The following RSPH1 variants were observed in gnomAD, a reference collection of about 807,000 sequenced individuals.
RSPH1 encodes radial spoke head 1 homolog.
RSPH1 carries 32 observed loss-of-function variants against 44.2 expected under a neutral mutation model. The ratio of observed to expected loss-of-function variants is 0.72; its 90% CI spans 0.55 to 0.97. The LOEUF (loss-of-function observed/expected upper bound fraction) is 0.97, where lower values mean the gene tolerates loss of function less well. RSPH1 is among the 50% of genes least tolerant of loss of function. The probability of loss-of-function intolerance (pLI) is 0.00; values close to 1 mark genes in which losing one functional copy is unlikely to be tolerated. For synonymous variants in RSPH1, 134 were observed against 147.3 expected (o/e 0.91, Z 0.65); for missense variants, 391 against 398.7 (o/e 0.98, Z 0.16).
chr21:42,482,598 CT>C, intron 6 of RSPH1, 38 bp downstream of exon 6: 1 of 1,468,474 alleles, frequency 6.8e-7, no homozygotes, highest in South Asian at 1.2e-5. Flanking sequence ...AGCTACTTCC[CT>C]GTTAATGTAA....
chr21:42,485,281 C>T (rs1601631770), intron 5 of RSPH1: 1 of 179,880 alleles, frequency 5.6e-6, no homozygotes, highest in Admixed American at 5.6e-5. Flanking sequence ...GTCGCACCTC[C>T]CCTTCCAGGG....
At chr21:42,481,943 A>G (rs1601629423) in intron 6 of RSPH1, among the ~76,000 whole-genome samples, 2 of 152,268 alleles carry the variant, frequency 1.3e-5, no homozygotes, top group East Asian at 3.8e-4. Context: ...CGGCACGTTC[A>G]GAGGAGCATG....
intron 3 of RSPH1, among the ~76,000 whole-genome samples, chr21:42,487,938 G>A (rs2054196237): frequency 6.6e-6 from 1 of 152,204 alleles, no homozygotes; most frequent in East Asian, 1.9e-4. Context: ...AAAGGACAGT[G>A]CATGTCCCCA....
intron 1 of RSPH1, among the ~76,000 whole-genome samples, chr21:42,494,596 G>A (rs1474237076): frequency 1.3e-5 from 2 of 152,094 alleles, no homozygotes; most frequent in Non-Finnish European, 2.9e-5. Context: ...AAAATTATAG[G>A]CACTAAAAAG....
rs749185116 is a variant in RSPH1 at position 42,485,658 on chromosome 21, C to T, written c.501+11G>A. On this transcript the variant is annotated intron_variant, in intron 5 of 8. Coordinates refer to ENST00000291536, the MANE Select transcript of RSPH1 (RefSeq NM_080860.4). ...TACTTCATTGGCAAATGTCACTTCC[C>T]ATGGACTTACATTTTTGTTCAAGAA... is the stretch of plus-strand genomic sequence containing the variant. 34 of 1,613,964 alleles carry T rather than the reference C, an allele frequency of 2.1e-5. 1 individual carries two copies. The highest frequency in any genetic ancestry group is 2.9e-5 in the Non-Finnish European group (34 of 1,180,006).
chr21:42,493,104 T>TA lies in RSPH1; in HGVS notation c.55-26dup, dbSNP rs775999577. ...CCTGGGTAATGAAAATTGACACAAT[T>TA]ACAGCTACCATTCATTAAGCGCTAA... is the stretch of plus-strand genomic sequence containing the variant. On this transcript the variant is annotated intron_variant, in intron 1 of 8. Coordinates refer to ENST00000291536, the MANE Select transcript of RSPH1 (RefSeq NM_080860.4). The TA allele has an allele frequency of 1.3e-5, 21 of 1,581,202 alleles. 1 individual carries two copies. In the Admixed American group the frequency reaches 1.7e-4, roughly 13 times the overall value.
At chr21:42,485,495 C>T in intron 5 of RSPH1, 174 bp downstream of exon 5, 2 of 684,166 alleles carry the variant, frequency 2.9e-6, no homozygotes, top group East Asian at 5.5e-5. Context: ...CAATTCTGTG[C>T]TCTGTGGGTA....
intron 1 of RSPH1, 78 bp from the exon 2 acceptor site, chr21:42,493,157 A>G (rs1018894348): frequency 4.2e-6 from 5 of 1,204,066 alleles, no homozygotes; most frequent in African/African-American, 1.5e-5. Flanking sequence ...TGTAAATATC[A>G]TACCCTTGAG....
chr21:42,481,727 T>C (rs952375410), intron 6 of RSPH1, among the ~76,000 whole-genome samples: 12 of 152,168 alleles, frequency 7.9e-5, no homozygotes, highest in Admixed American at 1.3e-4. Context: ...GTTGCTGAAT[T>C]GCTAATTATC....
At chr21:42,492,352 G>C (rs1254754550) in intron 3 of RSPH1, among the ~76,000 whole-genome samples, 1 of 152,228 alleles carries the variant, frequency 6.6e-6, no homozygotes, top group Non-Finnish European at 1.5e-5. Flanking sequence ...GGAAACACTC[G>C]ATCTGAAGAA....
chr21:42,494,843 G>A (rs909619194), intron 1 of RSPH1, among the ~76,000 whole-genome samples: 4 of 152,004 alleles, frequency 2.6e-5, no homozygotes, highest in African/African-American at 9.7e-5. Context: ...GGGATTACAG[G>A]TGCCCGCCAC....
intron 1 of RSPH1, 35 bp from the exon 2 acceptor site, chr21:42,493,114 A>G (rs375542760): frequency 1.3e-6 from 2 of 1,558,278 alleles, no homozygotes; most frequent in Non-Finnish European, 1.8e-6. Flanking sequence ...TACAGCTACC[A>G]TTCATTAAGC....
intron 4 of RSPH1, chr21:42,486,150 G>A (rs1051353235): frequency 1.4e-5 from 8 of 579,736 alleles, no homozygotes; most frequent in Admixed American, 6.0e-5. Context: ...AAAGACTCAC[G>A]TGCTCTGCCC....
chr21:42,486,407 T>C lies in RSPH1; in HGVS notation c.329A>G (p.Asn110Ser), dbSNP rs751684001. ...AAACCACTCTCCAGTGTAGGTGTCA[T>C]TATTGATGTAGTAGTATACGCCATG... is the stretch of plus-strand genomic sequence containing the variant. ...HGHGVYYYINNDTYTGEWFAH... is the reference protein window; with the variant it reads ...HGHGVYYYINSDTYTGEWFAH... Residue 110 changes from asparagine to serine, a missense_variant, in exon 4 of 9, where the codon AAT (asparagine) becomes AGT (serine). Asn to Ser is a conservative substitution (Grantham distance 46). Transcript: ENST00000291536. The C allele has an allele frequency of 1.2e-6, 2 of 1,613,846 alleles. No individual in the cohort carries two copies. Among genetic ancestry groups the C allele is most frequent in the African/African-American group, 2.7e-5 (2 of 74,906 alleles).
At chr21:42,484,842 C>A (rs891413909) in intron 5 of RSPH1, 1 of 152,092 alleles carries the variant, frequency 6.6e-6, no homozygotes, top group African/African-American at 2.4e-5. Context: ...GGGGAATGTG[C>A]TGTTTTGATG....
intron 3 of RSPH1, among the ~76,000 whole-genome samples, chr21:42,490,733 T>C (rs1212472731): frequency 6.6e-6 from 1 of 152,166 alleles, no homozygotes; most frequent in Admixed American, 6.5e-5. Flanking sequence ...TTTTTGTTAT[T>C]CAAAATGAGA....
At chr21:42,488,755 T>C (rs779580379) in intron 3 of RSPH1, among the ~76,000 whole-genome samples, 32 of 152,170 alleles carry the variant, frequency 2.1e-4, no homozygotes, top group Non-Finnish European at 3.5e-4. Context: ...CCTGCACAAA[T>C]AGAGAAGGTA....
At chr21:42,492,709 A>G (rs371463943) in intron 3 of RSPH1, 49 bp downstream of exon 3, 30 of 1,103,058 alleles carry the variant, frequency 2.7e-5, no homozygotes, top group African/African-American at 2.5e-4. Flanking sequence ...AGTCATAAAG[A>G]AAGAAAAACT....
intron 3 of RSPH1, among the ~76,000 whole-genome samples, chr21:42,489,996 G>A (rs1343721932): frequency 1.3e-5 from 2 of 152,158 alleles, no homozygotes; most frequent in South Asian, 2.1e-4. Flanking sequence ...AGGCAACAAG[G>A]CCAGCAGGGA....
Sources: allele counts gnomAD v4.1 joint callset (sites outside exome capture counted in the v4.1 genomes callset), GRCh38; gene constraint gnomAD v4.1.1; transcripts MANE v1.5; gene names NCBI Gene and HGNC (gene_info 2026-07-23, HGNC 2026-07-21).